WWOX: variants seen among roughly 807,000 people sequenced by gnomAD.
WWOX encodes the protein WW domain containing oxidoreductase.
In WWOX, 69 loss-of-function variants were observed where a neutral mutation model predicts 46.2. The observed-to-expected ratio is 1.49, with a 90% CI of 1.23 to 1.82. The LOEUF (loss-of-function observed/expected upper bound fraction) is 1.82. Ranked by LOEUF, WWOX falls within the 40% of genes most tolerant of loss-of-function variation. The probability of loss-of-function intolerance (pLI) is 0.00; values close to 1 mark genes in which losing one functional copy is unlikely to be tolerated. For synonymous variants in WWOX, 359 were observed against 202.6 expected (o/e 1.77, Z -6.56); for missense variants, 919 against 542.6 (o/e 1.69, Z -6.89).
chr16:78,325,102 G>A (rs1358132863), intron 5 of WWOX, among the ~76,000 whole-genome samples: 1 of 152,186 alleles, frequency 6.6e-6, no homozygotes, highest in African/African-American at 2.4e-5. Context: ...CAGCCTGGGA[G>A]TGTTGGTCCC....
chr16:78,310,389 A>G (rs951185487), intron 5 of WWOX, among the ~76,000 whole-genome samples: 2 of 152,234 alleles, frequency 1.3e-5, no homozygotes, highest in Admixed American at 1.3e-4. Context: ...GAATGAATTA[A>G]TATTTCACAG....
At chr16:79,142,503 A>G (rs1356179884) in intron 8 of WWOX, among the ~76,000 whole-genome samples, 2 of 152,132 alleles carry the variant, frequency 1.3e-5, no homozygotes, top group East Asian at 3.9e-4. Flanking sequence ...ATCATTAAAC[A>G]TTTTCTAGAA....
chr16:78,123,329 T>A (rs934462712), intron 4 of WWOX: 1 of 151,898 alleles, frequency 6.6e-6, no homozygotes, highest in African/African-American at 2.4e-5. Flanking sequence ...AGCAATAATA[T>A]GATTTTTTTT....
intron 8 of WWOX, among the ~76,000 whole-genome samples, chr16:78,812,254 C>T (rs975037105): frequency 6.6e-6 from 1 of 152,080 alleles, no homozygotes; most frequent in Non-Finnish European, 1.5e-5. Flanking sequence ...GATAATGCCC[C>T]ATTCTGTGAG....
At chr16:78,294,886 T>A (rs2079918994) in intron 5 of WWOX, among the ~76,000 whole-genome samples, 1 of 152,134 alleles carries the variant, frequency 6.6e-6, no homozygotes, top group African/African-American at 2.4e-5. Flanking sequence ...AATGGACAAA[T>A]GAATGAATGT....
At chr16:78,231,928 A>G (rs989485829) in intron 5 of WWOX, among the ~76,000 whole-genome samples, 10 of 152,020 alleles carry the variant, frequency 6.6e-5, no homozygotes, top group African/African-American at 2.2e-4. Flanking sequence ...TATGGAATTC[A>G]GTGTTTTTAT....
chr16:78,864,564 C>T (rs976624204), intron 8 of WWOX, among the ~76,000 whole-genome samples: 10 of 151,572 alleles, frequency 6.6e-5, no homozygotes, highest in African/African-American at 2.4e-4. Context: ...CCACTGCACC[C>T]AGCCCTGGAT....
At chr16:79,012,032 C>T (rs934533731) in intron 8 of WWOX, among the ~76,000 whole-genome samples, 44 of 152,162 alleles carry the variant, frequency 2.9e-4, no homozygotes, top group African/African-American at 1.1e-3. Context: ...AGGGATCCCT[C>T]TGGCTACTGT....
At chr16:78,632,050 T>G (rs567663411) in intron 8 of WWOX, among the ~76,000 whole-genome samples, 45 of 152,254 alleles carry the variant, frequency 3.0e-4, no homozygotes, top group African/African-American at 1.0e-3. Flanking sequence ...AATAAAAGTC[T>G]TCTTGGTCCA....
At chr16:78,131,146 C>T (rs1597243901) in intron 4 of WWOX, among the ~76,000 whole-genome samples, 2 of 152,298 alleles carry the variant, frequency 1.3e-5, no homozygotes, top group Middle Eastern at 3.4e-3. Flanking sequence ...CCATTGTTGA[C>T]CAATGTGTTG....
chr16:78,321,961 G>T (rs185627569), intron 5 of WWOX, among the ~76,000 whole-genome samples: 21 of 152,348 alleles, frequency 1.4e-4, no homozygotes, highest in Middle Eastern at 6.8e-3. Context: ...ATAAGTGACA[G>T]ACCTGCAGAG....
intron 8 of WWOX, among the ~76,000 whole-genome samples, chr16:78,593,440 T>C (rs1056766644): frequency 1.3e-5 from 2 of 152,182 alleles, no homozygotes; most frequent in African/African-American, 2.4e-5. Context: ...CATGCACCTG[T>C]CTTCCTCTTC....
chr16:78,447,194 G>T (rs1046486895), intron 8 of WWOX, among the ~76,000 whole-genome samples: 1 of 152,070 alleles, frequency 6.6e-6, no homozygotes, highest in Admixed American at 6.6e-5. Flanking sequence ...GCTTTGGAAC[G>T]GACCCTGGAC....
At chr16:78,816,502 C>CTTTTT (rs55814418) in intron 8 of WWOX, among the ~76,000 whole-genome samples, 1,998 of 42,140 alleles carry the variant, frequency 0.047, 335 homozygotes, top group Middle Eastern at 0.068. Context: ...AGGAGCCACT[C>CTTTTT]TTTTTTTTTT....
chr16:79,024,914 A>G (rs977568559), intron 8 of WWOX, among the ~76,000 whole-genome samples: 6 of 152,206 alleles, frequency 3.9e-5, no homozygotes, highest in African/African-American at 1.4e-4. Flanking sequence ...AGGCTGGTGA[A>G]GAAACACGTG....
At chr16:79,122,701 T>C (rs1054260610) in intron 8 of WWOX, among the ~76,000 whole-genome samples, 2 of 152,168 alleles carry the variant, frequency 1.3e-5, no homozygotes, top group Non-Finnish European at 2.9e-5. Context: ...AACCGTAAGC[T>C]AGGATAACTG....
chr16:79,154,403 A>G (rs2050340119), intron 8 of WWOX, among the ~76,000 whole-genome samples: 1 of 151,300 alleles, frequency 6.6e-6, no homozygotes, highest in Non-Finnish European at 1.5e-5. Context: ...TTTCACTCTC[A>G]TCCATTTTCA....
intron 5 of WWOX, among the ~76,000 whole-genome samples, chr16:78,261,159 A>G (rs1440369940): frequency 6.6e-6 from 1 of 150,894 alleles, no homozygotes; most frequent in East Asian, 1.9e-4. Context: ...ATTTTAGCAT[A>G]GAATGTTTAT....
intron 5 of WWOX, among the ~76,000 whole-genome samples, chr16:78,293,352 G>T (rs940941690): frequency 5.3e-5 from 8 of 152,212 alleles, no homozygotes; most frequent in Non-Finnish European, 7.3e-5. Context: ...TCTCCTGCCA[G>T]ATTTTGTAAC....
Sources: gnomAD v4.1 joint callset for allele counts (sites outside exome capture counted in the v4.1 genomes callset) on GRCh38, gnomAD v4.1.1 for gene constraint, MANE v1.5 for transcripts, NCBI Gene and HGNC (gene_info 2026-07-23, HGNC 2026-07-21) for gene names.